The following CYP4F12 variants were observed in gnomAD, a reference collection of about 807,000 sequenced individuals.
CYP4F12 encodes the protein cytochrome P450 family 4 subfamily F member 12, also known as cytochrome P450 4F12.
CYP4F12 carries 60 observed loss-of-function variants against 56.5 expected under a neutral mutation model. The ratio of observed to expected loss-of-function variants is 1.06; its 90% CI spans 0.86 to 1.32. The LOEUF is 1.32. Among genes scored for constraint, CYP4F12 ranks in the 40% most tolerant of loss-of-function variants. The pLI, the probability that CYP4F12 is intolerant of heterozygous loss-of-function variation, is 0.00. For synonymous variants in CYP4F12, 263 were observed against 264.9 expected, an observed-to-expected ratio of 0.99 and a Z score of 0.07; for missense variants, 711 against 683.5, an observed-to-expected ratio of 1.04 and a Z score of -0.45.
chr19:15,695,953 T>C lies in CYP4F12; in HGVS notation c.1133T>C (p.Leu378Pro). 1 of 1,613,510 alleles carries C rather than the reference T, an allele frequency of 6.2e-7. No individual in the cohort carries two copies. Among genetic ancestry groups the C allele is most frequent in the South Asian group, 1.1e-5 (1 of 91,006 alleles). The change falls in exon 10 of 13, where the codon CTG becomes CCG. Residue 378 changes from leucine (L) to proline (P), a missense_variant. Transcript: ENST00000550308. The stretch of plus-strand genomic sequence containing the variant: ...TTCCTTAGGGACGACCTGGCCCAGC[T>C]GCCCTTCCTGACCATGTGCGTGAAG... Reference protein sequence around the residue: ...KEIEWDDLAQLPFLTMCVKES... With the variant: ...KEIEWDDLAQPPFLTMCVKES...
intron 2 of CYP4F12, among the ~76,000 whole-genome samples, chr19:15,677,536 A>C (rs2007020973): frequency 3.6e-5 from 2 of 56,270 alleles, no homozygotes; most frequent in African/African-American, 1.6e-4. Context: ...TCCTCTCCTC[A>C]CTCGCTCATT....
At chr19:15,696,114 G>A in intron 10 of CYP4F12, 45 bp downstream of exon 10, 1 of 1,610,892 alleles carries the variant, frequency 6.2e-7, no homozygotes, top group African/African-American at 1.3e-5. Context: ...TAGGAAGATG[G>A]TTCCCTCAGG....
Position 15,696,491 on chromosome 19 carries a change from T to C in CYP4F12, c.1376T>C (p.Ile459Thr). The C allele has an allele frequency of 6.2e-7, 1 of 1,614,072 alleles. No homozygotes were observed. Among genetic ancestry groups the C allele is most frequent in the Non-Finnish European group, 8.5e-7 (1 of 1,180,006 alleles). The change falls in exon 12 of 13, where the codon ATT becomes ACT. Residue 459 changes from isoleucine (I) to threonine (T), a missense_variant. Coordinates refer to ENST00000550308, the MANE Select transcript of CYP4F12 (RefSeq NM_023944.4). ...NSKGRSPLAFIPFSAGPRNCI... is the reference protein window; with the variant it reads ...NSKGRSPLAFTPFSAGPRNCI... ...AAGGGGAGGTCACCTCTGGCTTTTA[T>C]TCCTTTCTCCGCAGGGCCCAGGTAA...
intron 9 of CYP4F12, among the ~76,000 whole-genome samples, chr19:15,694,473 T>C (rs925513598): frequency 2.8e-5 from 4 of 140,754 alleles, no homozygotes; most frequent in Non-Finnish European, 6.2e-5. Context: ...AGTTCACTCA[T>C]GATTTGGCTC....
At position 15,674,561 on chromosome 19, in the gene CYP4F12, C is replaced by T. The variant is rs28625685; in HGVS notation, c.198+834C>T. ...CACTCATTCCTCTCCTCATTCACTC[C>T]TTCCCCTCATCACTCACTCATTCCT... On this transcript the variant is annotated intron_variant, in intron 2 of 12. Transcript: ENST00000550308. 3.3e-5 allele frequency among the ~76,000 whole-genome samples: 4 copies of T among 119,712 alleles called. 1 individual carries two copies. Among genetic ancestry groups the T allele is most frequent in the African/African-American group, 1.4e-4 (4 of 29,408 alleles). The allele number at this position is 119,712 out of a possible 152,430, so 78.5% of individuals were successfully genotyped here.
chr19:15,697,001 GC>G lies in CYP4F12; in HGVS notation c.1495del (p.Arg499AlafsTer6), dbSNP rs1480043233. On this transcript the variant is annotated frameshift_variant, in exon 13 of 13. Coordinates refer to ENST00000550308, the MANE Select transcript of CYP4F12 (RefSeq NM_023944.4). LOFTEE classifies it low-confidence loss of function (END_TRUNC). Reference sequence around the variant, plus strand: ...TCCGGTTCCTGCCAGACCACACTGAGCCCCGCAGGAAGCTGGAATTGATCAT... The same window carrying G: ...TCCGGTTCCTGCCAGACCACACTGAGCCCGCAGGAAGCTGGAATTGATCAT... ...HFRFLPDHTE[P>X]RRKLELIMRA... The G allele has an allele frequency of 1.2e-6, 2 of 1,614,242 alleles. No homozygotes were observed. Among genetic ancestry groups the G allele is most frequent in the Non-Finnish European group, 1.7e-6 (2 of 1,180,026 alleles).
intron 9 of CYP4F12, among the ~76,000 whole-genome samples, chr19:15,689,329 T>TA (rs1276204349): frequency 5.9e-5 from 9 of 152,038 alleles, no homozygotes; most frequent in Admixed American, 5.9e-4. Flanking sequence ...CAAAAGAAGA[T>TA]ACACAAACAG....
At position 15,680,430 on chromosome 19, in the gene CYP4F12, C is replaced by T. The variant is rs535388110; in HGVS notation, c.436C>T (p.Arg146Cys). Residue 146 changes from arginine to cysteine, a missense_variant, in exon 5 of 13, where the codon CGC (arginine) becomes TGC (cysteine). Transcript: ENST00000550308. ...ILLSGGDKWS[R>C]HRRMLTPAFH... ...GCTGAGTGGCGGTGACAAGTGGAGCCGCCACCGTCGGATGCTGACGCCCGC... is the reference window on the plus strand; with the variant it reads ...GCTGAGTGGCGGTGACAAGTGGAGCTGCCACCGTCGGATGCTGACGCCCGC... 47 of 1,614,010 alleles carry T rather than the reference C, an allele frequency of 2.9e-5. No homozygotes were observed. Among genetic ancestry groups the T allele is most frequent in the African/African-American group, 2.0e-4 (15 of 75,040 alleles).
intron 9 of CYP4F12, among the ~76,000 whole-genome samples, chr19:15,692,740 G>A (rs2007928720): frequency 6.6e-6 from 1 of 152,086 alleles, no homozygotes; most frequent in African/African-American, 2.4e-5. Flanking sequence ...TTTGACGTAA[G>A]TCCCAGGGGC....
At chr19:15,674,937 C>G (rs1319169604) in intron 2 of CYP4F12, among the ~76,000 whole-genome samples, 1 of 152,054 alleles carries the variant, frequency 6.6e-6, no homozygotes, top group Non-Finnish European at 1.5e-5. Context: ...TTCTGAGCCC[C>G]GATAGACAGG....
chr19:15,676,214 T>C (rs1370970558), intron 2 of CYP4F12, among the ~76,000 whole-genome samples: 1 of 152,118 alleles, frequency 6.6e-6, no homozygotes, highest in Admixed American at 6.5e-5. Flanking sequence ...CCAGTAGGGG[T>C]TCAGGGAGCT....
At chr19:15,678,131 C>T in intron 2 of CYP4F12, 130 bp from the exon 3 acceptor site, 1 of 1,225,618 alleles carries the variant, frequency 8.2e-7, no homozygotes, top group South Asian at 1.4e-5. Context: ...ATGCTAATCT[C>T]TTCTCAAACA....
chr19:15,673,422 C>T, intron 1 of CYP4F12, 107 bp from the exon 2 acceptor site: 1 of 1,278,368 alleles, frequency 7.8e-7, no homozygotes, highest in Non-Finnish European at 1.1e-6. Context: ...CACCCCTGAG[C>T]CCTCCCTGCC....
At chr19:15,691,081 G>A (rs1007896836) in intron 9 of CYP4F12, among the ~76,000 whole-genome samples, 4 of 152,250 alleles carry the variant, frequency 2.6e-5, no homozygotes, top group South Asian at 2.1e-4. Flanking sequence ...AGACACTTGC[G>A]TAAACATTTC....
intron 5 of CYP4F12, chr19:15,681,045 A>C: frequency 5.7e-6 from 1 of 175,020 alleles, no homozygotes; most frequent in Non-Finnish European, 1.2e-5. Flanking sequence ...CCCCCATGTG[A>C]TTCTCTGCCT....
intron 9 of CYP4F12, among the ~76,000 whole-genome samples, chr19:15,688,474 T>G (rs1438987107): frequency 6.6e-6 from 1 of 152,004 alleles, no homozygotes; most frequent in Admixed American, 6.6e-5. Context: ...CACAAACCAA[T>G]GAAAACACAT....
chr19:15,685,297 T>A, intron 9 of CYP4F12, 100 bp downstream of exon 9: 2 of 1,503,010 alleles, frequency 1.3e-6, no homozygotes, highest in Non-Finnish European at 1.8e-6. Flanking sequence ...CTTCCACTAT[T>A]GCTTAGTGGG....
At chr19:15,695,609 G>A (rs1568426968) in intron 9 of CYP4F12, among the ~76,000 whole-genome samples, 2 of 152,030 alleles carry the variant, frequency 1.3e-5, no homozygotes, top group South Asian at 2.1e-4. Context: ...TTGGATCTGG[G>A]TATTTTGTTT....
chr19:15,693,773 T>C (rs1405898400), intron 9 of CYP4F12, among the ~76,000 whole-genome samples: 1 of 149,696 alleles, frequency 6.7e-6, no homozygotes, highest in African/African-American at 2.5e-5. Context: ...CATGTCTATG[T>C]CTTGAATGGT....
Sources: allele counts gnomAD v4.1 joint callset (sites outside exome capture counted in the v4.1 genomes callset), GRCh38; gene constraint gnomAD v4.1.1; transcripts MANE v1.5; gene names NCBI Gene and HGNC (gene_info 2026-07-23, HGNC 2026-07-21).